SPTLC3: variants seen among roughly 807,000 people sequenced by gnomAD.
SPTLC3 encodes the protein serine palmitoyltransferase long chain base subunit 3, also known as serine palmitoyltransferase 3.
A neutral mutation model predicts 59.3 loss-of-function variants in SPTLC3; 36 were observed. The ratio of observed to expected loss-of-function variants is 0.61; its 90% CI spans 0.47 to 0.80. The LOEUF (loss-of-function observed/expected upper bound fraction) is 0.80. Among genes scored for constraint, SPTLC3 ranks in the 30% least tolerant of loss-of-function variants. The pLI, the probability that SPTLC3 is intolerant of heterozygous loss-of-function variation, is 0.00. For synonymous variants in SPTLC3, 257 were observed against 240.8 expected (o/e 1.07, Z -0.62); for missense variants, 625 against 685.1 (o/e 0.91, Z 0.98).
At chr20:13,035,817 C>A (rs879184061) in intron 1 of SPTLC3, among the ~76,000 whole-genome samples, 1 of 152,114 alleles carries the variant, frequency 6.6e-6, no homozygotes, top group Non-Finnish European at 1.5e-5. Context: ...AAATACATGT[C>A]ATAAAGCTAT....
At chr20:13,140,695 G>A (rs930094844) in intron 9 of SPTLC3, among the ~76,000 whole-genome samples, 1 of 152,000 alleles carries the variant, frequency 6.6e-6, no homozygotes, top group Non-Finnish European at 1.5e-5. Context: ...CAGTTATTAG[G>A]AGAAAAAAGT....
chr20:13,057,413 T>G (rs1987773283), intron 2 of SPTLC3, among the ~76,000 whole-genome samples: 1 of 152,218 alleles, frequency 6.6e-6, no homozygotes, highest in Admixed American at 6.5e-5. Context: ...ATATAAGAAT[T>G]TATTAATCCA....
intron 9 of SPTLC3, among the ~76,000 whole-genome samples, chr20:13,128,890 T>C (rs1019354272): frequency 1.3e-5 from 2 of 149,820 alleles, no homozygotes; most frequent in Admixed American, 1.3e-4. Context: ...TTTTTTTTTT[T>C]TTGGAGACAG....
At chr20:13,078,494 T>C (rs1401570560) in intron 4 of SPTLC3, among the ~76,000 whole-genome samples, 1 of 151,980 alleles carries the variant, frequency 6.6e-6, no homozygotes, top group African/African-American at 2.4e-5. Flanking sequence ...AAAGAGATTG[T>C]ACTATGATTC....
At chr20:13,081,229 G>A (rs1389997961) in intron 4 of SPTLC3, among the ~76,000 whole-genome samples, 1 of 152,152 alleles carries the variant, frequency 6.6e-6, no homozygotes, top group African/African-American at 2.4e-5. Context: ...TTACCTGATG[G>A]CAATTGTCAC....
chr20:13,041,507 T>C (rs1380174643), intron 1 of SPTLC3, among the ~76,000 whole-genome samples: 2 of 152,156 alleles, frequency 1.3e-5, no homozygotes, highest in African/African-American at 4.8e-5. Context: ...ATTGCCATCA[T>C]ACCTTCTTTT....
At chr20:13,052,566 G>A (rs1199762151) in intron 2 of SPTLC3, among the ~76,000 whole-genome samples, 2 of 152,170 alleles carry the variant, frequency 1.3e-5, no homozygotes, top group Admixed American at 6.5e-5. Flanking sequence ...TGGAAAGGGG[G>A]TTGAAGCCAG....
At chr20:13,009,441 C>G in intron 1 of SPTLC3, 57 bp downstream of exon 1, 1 of 1,469,076 alleles carries the variant, frequency 6.8e-7, no homozygotes, top group Non-Finnish European at 9.5e-7. Flanking sequence ...CAATATTTCT[C>G]TGTGAAGATA....
intron 6 of SPTLC3, among the ~76,000 whole-genome samples, chr20:13,095,650 AT>A (rs1431752343): frequency 6.6e-6 from 1 of 152,018 alleles, no homozygotes; most frequent in African/African-American, 2.4e-5. Context: ...AAACACCTGC[AT>A]TTTTTTCTGA....
chr20:13,103,182 A>G (rs540640647), intron 6 of SPTLC3, among the ~76,000 whole-genome samples: 207 of 152,282 alleles, frequency 1.4e-3, no homozygotes, highest in African/African-American at 4.7e-3. Context: ...TGGAGAACAG[A>G]CCCCATAAAT....
intron 1 of SPTLC3, among the ~76,000 whole-genome samples, chr20:13,035,275 A>T (rs6041782): frequency 0.19 from 29,268 of 152,076 alleles, 3,461 homozygotes; most frequent in African/African-American, 0.34. Flanking sequence ...TTCAAATAGA[A>T]TTGGTGCTGG....
At chr20:13,153,130 T>C (rs1346806353) in intron 9 of SPTLC3, among the ~76,000 whole-genome samples, 1 of 152,226 alleles carries the variant, frequency 6.6e-6, no homozygotes, top group Non-Finnish European at 1.5e-5. Context: ...TTTAATCCTA[T>C]TCATTCTTAT....
intron 6 of SPTLC3, among the ~76,000 whole-genome samples, chr20:13,101,378 T>C (rs1302865546): frequency 2.6e-5 from 4 of 152,230 alleles, no homozygotes; most frequent in Non-Finnish European, 5.9e-5. Flanking sequence ...CAGAAAGCTA[T>C]GGTCCCTTGT....
At chr20:13,133,256 C>A (rs560471412) in intron 9 of SPTLC3, among the ~76,000 whole-genome samples, 1 of 152,124 alleles carries the variant, frequency 6.6e-6, no homozygotes, top group African/African-American at 2.4e-5. Context: ...AAACAGCTTG[C>A]GGACCCTCTA....
chr20:13,012,614 T>C (rs988689125), intron 1 of SPTLC3, among the ~76,000 whole-genome samples: 2 of 152,292 alleles, frequency 1.3e-5, no homozygotes, highest in East Asian at 1.9e-4. Context: ...TAAATATCAA[T>C]ATTCTGCTAT....
chr20:13,159,174 T>G (rs1321255), intron 10 of SPTLC3, among the ~76,000 whole-genome samples: 8,632 of 152,216 alleles, frequency 0.057, 284 homozygotes, highest in African/African-American at 0.088. Context: ...GGAAAAGAAA[T>G]AGACTAGAAG....
intron 1 of SPTLC3, among the ~76,000 whole-genome samples, chr20:13,025,681 C>T (rs1383124986): frequency 6.6e-6 from 1 of 152,118 alleles, no homozygotes; most frequent in Non-Finnish European, 1.5e-5. Context: ...TGAAACAGTG[C>T]CAGAATATGA....
intron 9 of SPTLC3, among the ~76,000 whole-genome samples, chr20:13,143,711 C>A (rs1242463811): frequency 6.6e-6 from 1 of 152,210 alleles, no homozygotes; most frequent in Non-Finnish European, 1.5e-5. Context: ...GGTTTTAATT[C>A]TGCAGGCAGC....
chr20:13,064,726 G>A (rs537018939), intron 2 of SPTLC3, among the ~76,000 whole-genome samples: 13 of 152,116 alleles, frequency 8.5e-5, no homozygotes, highest in Non-Finnish European at 1.6e-4. Flanking sequence ...ATTAGCTTGC[G>A]AGGTATAGAA....
Sources: gnomAD v4.1 joint callset for allele counts (sites outside exome capture counted in the v4.1 genomes callset) on GRCh38, gnomAD v4.1.1 for gene constraint, MANE v1.5 for transcripts, NCBI Gene and HGNC (gene_info 2026-07-23, HGNC 2026-07-21) for gene names.